R3HDM2: variants seen among roughly 807,000 people sequenced by gnomAD.
The protein encoded by R3HDM2 is R3H domain-containing protein 2.
A neutral mutation model predicts 124.5 loss-of-function variants in R3HDM2; 38 were observed. The observed-to-expected ratio is 0.31, with a 90% CI of 0.24 to 0.40. R3HDM2 has a LOEUF of 0.40. Among genes scored for constraint, R3HDM2 ranks in the 10% least tolerant of loss-of-function variants. R3HDM2 has a pLI of 1.00. For synonymous variants in R3HDM2, 391 were observed against 448.0 expected, an observed-to-expected ratio of 0.87 and a Z score of 1.61; for missense variants, 869 against 1,236.9, an observed-to-expected ratio of 0.70 and a Z score of 4.46.
intron 1 of R3HDM2, among the ~76,000 whole-genome samples, chr12:57,400,003 A>T (rs2067905234): frequency 1.3e-5 from 2 of 152,170 alleles, no homozygotes. Flanking sequence ...ACATATAAAA[A>T]CACTGTCTAC....
At chr12:57,388,026 G>A (rs1399009444) in intron 2 of R3HDM2, among the ~76,000 whole-genome samples, 3 of 151,970 alleles carry the variant, frequency 2.0e-5, no homozygotes, top group Admixed American at 6.6e-5. Context: ...GTGCAATGGC[G>A]GGATATCAGC....
intron 2 of R3HDM2, among the ~76,000 whole-genome samples, chr12:57,355,351 C>T (rs1468225132): frequency 3.3e-5 from 5 of 149,378 alleles, no homozygotes; most frequent in Non-Finnish European, 7.4e-5. Flanking sequence ...CCCAACTACT[C>T]GGGAGGCTGA....
chr12:57,429,480 T>TGG (rs1412267125), intron 1 of R3HDM2, among the ~76,000 whole-genome samples: 1 of 152,158 alleles, frequency 6.6e-6, no homozygotes, highest in East Asian at 1.9e-4. Flanking sequence ...CCTACCACTT[T>TGG]GGGAGGCCAA....
intron 2 of R3HDM2, among the ~76,000 whole-genome samples, chr12:57,377,897 G>C (rs2064305668): frequency 6.6e-6 from 1 of 152,168 alleles, no homozygotes; most frequent in African/African-American, 2.4e-5. Flanking sequence ...AGACCAGCCT[G>C]ACCAACGTGG....
chr12:57,386,198 TC>T (rs2065733250), intron 2 of R3HDM2, among the ~76,000 whole-genome samples: 1 of 151,946 alleles, frequency 6.6e-6, no homozygotes, highest in Non-Finnish European at 1.5e-5. Context: ...CTGCCTGGGC[TC>T]CCACTTTGGC....
rs1189198721 is a variant in R3HDM2, at chr12:57,269,945, C to A, written c.1394G>T (p.Gly465Val). 1 of 1,614,142 alleles carries A rather than the reference C, an allele frequency of 6.2e-7. No individual in the cohort carries two copies. The highest frequency in any genetic ancestry group is 8.5e-7 in the Non-Finnish European group (1 of 1,180,022). The change falls in exon 15 of 24, where the codon GGT (glycine) becomes GTT (valine). Residue 465 changes from glycine (G) to valine (V), a missense_variant. Gly to Val is a moderately radical substitution (Grantham distance 109, BLOSUM62 -3). Around this residue, in one of 2 missense-constraint regions of R3HDM2, gnomAD observed 602 missense variants for 789.2 expected, o/e 0.76. Transcript: ENST00000402412. The stretch of plus-strand genomic sequence containing the variant: ...AGATGGGTCAGCTGCTTCAGTAGAA[C>A]CTTGGCGACTAAGGCTCATTTGTCC... ...PFGQMSLSRQGSTEAADPSAA... is the reference protein window; with the variant it reads ...PFGQMSLSRQVSTEAADPSAA...
chr12:57,346,796 T>C (rs555003432), intron 2 of R3HDM2, among the ~76,000 whole-genome samples: 1 of 152,308 alleles, frequency 6.6e-6, no homozygotes, highest in Admixed American at 6.5e-5. Flanking sequence ...TGTTTGATGT[T>C]TGAGAGCGAA....
chr12:57,426,615 C>T (rs2070763255), intron 1 of R3HDM2, among the ~76,000 whole-genome samples: 1 of 152,092 alleles, frequency 6.6e-6, no homozygotes, highest in Non-Finnish European at 1.5e-5. Context: ...CATGAACAAA[C>T]CTCAAGGGAA....
intron 19 of R3HDM2, among the ~76,000 whole-genome samples, chr12:57,265,799 GTT>G (rs911400072): frequency 5.1e-5 from 7 of 138,462 alleles, no homozygotes; most frequent in Admixed American, 7.2e-5. Context: ...CTCTTGGCTT[GTT>G]TTTTTTTTTT....
chr12:57,269,076 T>C lies in R3HDM2; in HGVS notation c.1721A>G (p.Gln574Arg). 6.2e-7 allele frequency: 1 copy of C among 1,614,230 alleles called. No individual in the cohort carries two copies. The change falls in exon 17 of 24, where the codon CAG becomes CGG. Residue 574 changes from glutamine to arginine, a missense_variant. Coordinates refer to ENST00000402412, the MANE Select transcript of R3HDM2 (RefSeq NM_001394031.1). ...CTGCTGCTGGTTAGGCATCATGGGCTGTAAACCTAGAGATGGGCAAGGCAG... is the reference window on the plus strand; with the variant it reads ...CTGCTGCTGGTTAGGCATCATGGGCCGTAAACCTAGAGATGGGCAAGGCAG... ...LPQPSQQPGLQPMMPNQQQAA... is the reference protein window; with the variant it reads ...LPQPSQQPGLRPMMPNQQQAA...
chr12:57,323,066 C>A (rs892639689), intron 2 of R3HDM2, among the ~76,000 whole-genome samples: 2 of 151,788 alleles, frequency 1.3e-5, no homozygotes, highest in East Asian at 1.9e-4. Flanking sequence ...AAAAAAGATA[C>A]CAAAAAAAAT....
At chr12:57,354,929 A>C (rs1174159449) in intron 2 of R3HDM2, among the ~76,000 whole-genome samples, 1 of 151,728 alleles carries the variant, frequency 6.6e-6, no homozygotes, top group Admixed American at 6.6e-5. Flanking sequence ...GACTCAAGCG[A>C]TTCTCCCACC....
rs935426515 is a variant in R3HDM2 at position 57,354,160 on chromosome 12, C to T, written c.-36+41589G>A. On this transcript the variant is annotated intron_variant, in intron 2 of 23. Transcript: ENST00000402412. ...CTGGGATTACAGGCGTGAGCCACCA[C>T]GCCTGGTCTAATTTTTTTTTTTAAG... 2.0e-5 allele frequency among the ~76,000 whole-genome samples: 3 copies of T among 151,942 alleles called. 1 individual carries two copies. Among genetic ancestry groups the T allele is most frequent in the South Asian group, 4.2e-4 (2 of 4,798 alleles).
chr12:57,285,469 G>A (rs1458754570), intron 12 of R3HDM2, among the ~76,000 whole-genome samples: 1 of 152,030 alleles, frequency 6.6e-6, no homozygotes, highest in Non-Finnish European at 1.5e-5. Context: ...GTGTGTGTGT[G>A]TGTGTAAGCA....
In R3HDM2 at chr12:57,323,433, T is replaced by C. The variant is rs555258400; in HGVS notation, c.-35-12970A>G. ...GACAGTCACCAAGCCCTTTAAGGAC[T>C]GTAGAAACTGTCATAGGCTTCATTA... On this transcript the variant is annotated intron_variant, in intron 2 of 23. Coordinates refer to ENST00000402412, the MANE Select transcript of R3HDM2 (RefSeq NM_001394031.1). Among the ~76,000 whole-genome samples, 6 of 152,328 alleles carry C rather than the reference T, an allele frequency of 3.9e-5. No individual in the cohort carries two copies. The East Asian group carries it at 1.2e-3, about 29-fold the overall frequency.
chr12:57,257,373 T>C (rs1455601805), intron 21 of R3HDM2, among the ~76,000 whole-genome samples: 2 of 152,228 alleles, frequency 1.3e-5, no homozygotes, highest in African/African-American at 4.8e-5. Context: ...ACATATTAAG[T>C]ACCATTAAGT....
At chr12:57,340,217 G>C (rs765584682) in intron 2 of R3HDM2, among the ~76,000 whole-genome samples, 45 of 152,186 alleles carry the variant, frequency 3.0e-4, no homozygotes, top group Admixed American at 4.6e-4. Flanking sequence ...TTTCACAGCA[G>C]TTTTCTTCCC....
intron 14 of R3HDM2, among the ~76,000 whole-genome samples, chr12:57,277,227 A>C (rs1049870846): frequency 6.6e-6 from 1 of 151,844 alleles, no homozygotes; most frequent in African/African-American, 2.4e-5. Context: ...AGTCTACTTC[A>C]TTTTAAGTAA....
chr12:57,330,108 A>G (rs1408377977), intron 2 of R3HDM2, among the ~76,000 whole-genome samples: 1 of 152,048 alleles, frequency 6.6e-6, no homozygotes, highest in Non-Finnish European at 1.5e-5. Flanking sequence ...CTGGGATTAC[A>G]GGCATGCACT....
Sources: gnomAD v4.1 joint callset for allele counts (sites outside exome capture counted in the v4.1 genomes callset) on GRCh38, gnomAD v4.1.1 for gene constraint, gnomAD v4.1.1 regional missense constraint, MANE v1.5 for transcripts, NCBI Gene and HGNC (gene_info 2026-07-23, HGNC 2026-07-21) for gene names.